The following PHLPP1 variants were observed in gnomAD, a reference collection of about 807,000 sequenced individuals.
PHLPP1 encodes the protein PH domain and leucine rich repeat protein phosphatase 1.
PHLPP1 carries 42 observed loss-of-function variants against 117.2 expected under a neutral mutation model. The ratio of observed to expected loss-of-function variants is 0.36; its 90% CI spans 0.28 to 0.46. The LOEUF (loss-of-function observed/expected upper bound fraction) is 0.46. PHLPP1 is among the 20% of genes least tolerant of loss of function. The pLI is 1.00. For synonymous variants in PHLPP1, 1,042 were observed against 970.7 expected (o/e 1.07, Z -1.37); for missense variants, 2,084 against 2,241.9 (o/e 0.93, Z 1.42).
At position 62,718,708 on chromosome 18, in the gene PHLPP1, T is replaced by C. The variant is rs536805492; in HGVS notation, c.1576+1449T>C. 7.2e-5 allele frequency among the ~76,000 whole-genome samples: 11 copies of C among 152,348 alleles called. No homozygotes were observed. In the South Asian group the frequency reaches 2.1e-3, roughly 29 times the overall value. On this transcript the variant is annotated intron_variant, in intron 1 of 16. Coordinates refer to ENST00000262719, the MANE Select transcript of PHLPP1 (RefSeq NM_194449.4). ...CTGTATTCTTTTCTCCTTTAATTCA[T>C]GTAATTTGTAAAATATTGTTATTTT...
intron 6 of PHLPP1, among the ~76,000 whole-genome samples, chr18:62,896,323 G>A (rs1239469842): frequency 1.2e-4 from 16 of 138,468 alleles, no homozygotes; most frequent in African/African-American, 4.0e-4. Flanking sequence ...TCAAAGTCTC[G>A]CTCTGTCGCC....
rs890150917 is a variant in PHLPP1, at chr18:62,862,203, T to C, written c.2066+1602T>C. 2.6e-5 allele frequency among the ~76,000 whole-genome samples: 4 copies of C among 152,052 alleles called. No homozygotes were observed. In the South Asian group the frequency reaches 8.3e-4, roughly 32 times the overall value. ...CTAGTGATTCTCCCGCCTCAGCCTC[T>C]GAAGTAGCTGGGATTACAGGCGCTC... On this transcript the variant is annotated intron_variant, in intron 4 of 16. Coordinates refer to ENST00000262719, the MANE Select transcript of PHLPP1 (RefSeq NM_194449.4).
chr18:62,917,496 A>C (rs890924218), intron 9 of PHLPP1, among the ~76,000 whole-genome samples: 1 of 151,352 alleles, frequency 6.6e-6, no homozygotes, highest in Non-Finnish European at 1.5e-5. Flanking sequence ...GTTCAATTGC[A>C]AACTCTGTGT....
chr18:62,935,758 C>G (rs575223066), intron 10 of PHLPP1, among the ~76,000 whole-genome samples: 1 of 152,308 alleles, frequency 6.6e-6, no homozygotes, highest in Admixed American at 6.5e-5. Flanking sequence ...AATCCCAGCA[C>G]TTTGGGAGGC....
chr18:62,716,104 T>A lies in PHLPP1; in HGVS notation c.421T>A (p.Ser141Thr). Residue 141 changes from serine (S) to threonine (T), a missense_variant, in exon 1 of 17, where the codon TCG (serine) becomes ACG (threonine). Ser to Thr is a moderately conservative substitution (Grantham distance 58, BLOSUM62 1). Transcript: ENST00000262719. This position sits in a 1 kb window ranked among gnomAD's most constrained non-coding sequence, Gnocchi z 5.7. ...GGCCGCCGCGGCCGCCTCCTCGTCGTCGTCGTCCTCGGCCGCTGCTGCCTC... is the reference window on the plus strand; with the variant it reads ...GGCCGCCGCGGCCGCCTCCTCGTCGACGTCGTCCTCGGCCGCTGCTGCCTC... ...SAAAAAASSS[S>T]SSSAAAASHS... The A allele has an allele frequency of 6.6e-7, 1 of 1,505,470 alleles. No individual in the cohort carries two copies. The highest frequency in any genetic ancestry group is 8.8e-7 in the Non-Finnish European group (1 of 1,134,846). 93.3% of individuals were successfully genotyped at this position (1,505,470 alleles called of 1,614,324 possible).
chr18:62,740,946 C>T (rs1020408967), intron 1 of PHLPP1, among the ~76,000 whole-genome samples: 1 of 152,164 alleles, frequency 6.6e-6, no homozygotes, highest in African/African-American at 2.4e-5. Context: ...TGCACTCCAG[C>T]CTGGGCAACA....
chr18:62,918,447 T>TATATATATATATATA (rs10530316), intron 9 of PHLPP1, among the ~76,000 whole-genome samples: 3 of 149,626 alleles, frequency 2.0e-5, no homozygotes, highest in African/African-American at 4.9e-5. Flanking sequence ...TATATATATA[T>TATATATATATATATA]GATGAACCAC....
At chr18:62,861,934 A>G (rs889760327) in intron 4 of PHLPP1, among the ~76,000 whole-genome samples, 2 of 151,960 alleles carry the variant, frequency 1.3e-5, no homozygotes, top group African/African-American at 4.8e-5. Flanking sequence ...GTTTGATTTG[A>G]CTCTTTACCC....
chr18:62,948,502 C>T (rs1910362689), intron 12 of PHLPP1, among the ~76,000 whole-genome samples: 1 of 152,128 alleles, frequency 6.6e-6, no homozygotes, highest in Non-Finnish European at 1.5e-5. Context: ...ACCTGCTTTA[C>T]AACTCCTTTT....
intron 2 of PHLPP1, among the ~76,000 whole-genome samples, chr18:62,836,207 G>A (rs570753141): frequency 1.3e-3 from 192 of 151,688 alleles, no homozygotes; most frequent in African/African-American, 4.0e-3. Flanking sequence ...AGGCTGAGGC[G>A]GGTTGATCAC....
intron 1 of PHLPP1, among the ~76,000 whole-genome samples, chr18:62,791,671 A>G (rs547320079): frequency 2.6e-5 from 4 of 152,384 alleles, no homozygotes; most frequent in African/African-American, 7.2e-5. Flanking sequence ...GCGTTAGGAA[A>G]GCAAGATAGT....
At chr18:62,931,010 A>G (rs562345515) in intron 10 of PHLPP1, among the ~76,000 whole-genome samples, 1 of 152,216 alleles carries the variant, frequency 6.6e-6, no homozygotes, top group African/African-American at 2.4e-5. Context: ...TAACACAGTG[A>G]AAGTCCCATC....
chr18:62,739,745 T>C (rs1472986196), intron 1 of PHLPP1, among the ~76,000 whole-genome samples: 1 of 151,998 alleles, frequency 6.6e-6, no homozygotes, highest in Non-Finnish European at 1.5e-5. Flanking sequence ...CATAAGGCTT[T>C]TAGGAAGGAT....
At chr18:62,795,082 A>G (rs1304518146) in intron 1 of PHLPP1, among the ~76,000 whole-genome samples, 1 of 152,134 alleles carries the variant, frequency 6.6e-6, no homozygotes, top group Non-Finnish European at 1.5e-5. Flanking sequence ...TCTGTAAAGG[A>G]CTAGGTAATA....
At chr18:62,858,409 C>T (rs1410056152) in intron 3 of PHLPP1, among the ~76,000 whole-genome samples, 4 of 152,050 alleles carry the variant, frequency 2.6e-5, no homozygotes, top group African/African-American at 9.7e-5. Context: ...ATTACAGGCA[C>T]CCACCACTAC....
chr18:62,957,761 G>A (rs1424322529), intron 12 of PHLPP1, among the ~76,000 whole-genome samples: 1 of 151,648 alleles, frequency 6.6e-6, no homozygotes, highest in Non-Finnish European at 1.5e-5. Flanking sequence ...TGTTGCACAG[G>A]CTGGAGTGCA....
At chr18:62,961,339 C>T (rs1238903575) in intron 13 of PHLPP1, among the ~76,000 whole-genome samples, 2 of 152,158 alleles carry the variant, frequency 1.3e-5, no homozygotes, top group African/African-American at 2.4e-5. Flanking sequence ...ATTCATTTCA[C>T]TTCAGATAGC....
intron 4 of PHLPP1, among the ~76,000 whole-genome samples, chr18:62,893,620 T>A (rs558727305): frequency 6.6e-6 from 1 of 152,220 alleles, no homozygotes; most frequent in Non-Finnish European, 1.5e-5. Context: ...TTGGGTTGAA[T>A]TGTGTTTATT....
Position 62,903,174 on chromosome 18 carries a change from T to C in PHLPP1, c.2647+8T>C. On this transcript the variant is annotated splice_region_variant and intron_variant, in intron 7 of 16. Coordinates refer to ENST00000262719, the MANE Select transcript of PHLPP1 (RefSeq NM_194449.4). ...TCTATGCCTCTTCTAATGGTATGTA[T>C]CATAGGCTACATCAAAGTTGCTCTT... The C allele has an allele frequency of 6.3e-7, 1 of 1,582,072 alleles. No individual in the cohort carries two copies. Among genetic ancestry groups the C allele is most frequent in the African/African-American group, 1.3e-5 (1 of 74,504 alleles).
Sources: gnomAD v4.1 joint callset for allele counts (sites outside exome capture counted in the v4.1 genomes callset) on GRCh38, gnomAD v4.1.1 for gene constraint, Gnocchi (gnomAD v3.1) non-coding constraint, MANE v1.5 for transcripts, NCBI Gene and HGNC (gene_info 2026-07-23, HGNC 2026-07-21) for gene names.